The following C2orf76 variants were observed in gnomAD, a reference collection of about 807,000 sequenced individuals.
The protein encoded by C2orf76 is chromosome 2 open reading frame 76, also known as UPF0538 protein C2orf76.
C2orf76 carries 23 observed loss-of-function variants against 16.9 expected under a neutral mutation model. The ratio of observed to expected loss-of-function variants is 1.36; its 90% CI spans 0.98 to 1.93. C2orf76 has a LOEUF of 1.93. Among genes scored for constraint, C2orf76 ranks in the 30% most tolerant of loss-of-function variants. C2orf76 has a pLI of 0.00. For missense variants in C2orf76, 152 were observed against 152.6 expected (o/e 1.00, Z 0.02); for synonymous variants, 48 against 52.3 (o/e 0.92, Z 0.35).
At chr2:119,288,254 TC>T in the C2orf76 span, among the ~76,000 whole-genome samples, 1 of 151,464 alleles carries the variant, frequency 6.6e-6, no homozygotes, top group African/African-American at 2.4e-5. Flanking sequence ...CCTTCCGGGT[TC>T]CCGCCATTCT....
At chr2:119,343,776 T>A (rs1680112530) in intron 1 of C2orf76, among the ~76,000 whole-genome samples, 1 of 152,080 alleles carries the variant, frequency 6.6e-6, no homozygotes, top group East Asian at 1.9e-4. Context: ...TGAGACTCCA[T>A]CTCAAAAAAC....
chr2:119,332,643 G>A (rs1286534932), intron 2 of C2orf76, among the ~76,000 whole-genome samples: 2 of 152,112 alleles, frequency 1.3e-5, no homozygotes. Context: ...CTTCCTAGAA[G>A]AAACCACCTG....
chr2:119,311,555 CA>C, intron 5 of C2orf76, 66 bp downstream of exon 5: 1 of 1,567,354 alleles, frequency 6.4e-7, no homozygotes, highest in East Asian at 2.3e-5. Flanking sequence ...ATCCAAATAC[CA>C]TCAGCCAGGC....
intron 2 of C2orf76, among the ~76,000 whole-genome samples, chr2:119,338,121 T>C (rs1255581756): frequency 1.3e-5 from 2 of 152,244 alleles, no homozygotes; most frequent in Non-Finnish European, 2.9e-5. Flanking sequence ...CAGGACACTT[T>C]CTAATTGACA....
At chr2:119,287,985 A>T in the C2orf76 span, among the ~76,000 whole-genome samples, 7,239 of 152,094 alleles carry the variant, frequency 0.048, 256 homozygotes, top group East Asian at 0.13. Context: ...GACAGAGGGC[A>T]GTGGTGGGTG....
intron 1 of C2orf76, chr2:119,340,465 T>G (rs1028021525): frequency 5.9e-5 from 9 of 153,368 alleles, no homozygotes; most frequent in Admixed American, 5.8e-4. Context: ...TATACGATGG[T>G]GTTACCGTCT....
the C2orf76 span, among the ~76,000 whole-genome samples, chr2:119,296,363 A>T: frequency 6.6e-6 from 1 of 152,192 alleles, no homozygotes; most frequent in African/African-American, 2.4e-5. Flanking sequence ...AACTGCCCAG[A>T]ACCAATAATC....
chr2:119,304,629 C>T (rs1678719136), intron 5 of C2orf76, among the ~76,000 whole-genome samples: 1 of 152,190 alleles, frequency 6.6e-6, no homozygotes, highest in Non-Finnish European at 1.5e-5. Context: ...AACTATAATA[C>T]TTCAGGCTGA....
At chr2:119,315,692 A>T (rs1391734243) in intron 4 of C2orf76, among the ~76,000 whole-genome samples, 2 of 152,220 alleles carry the variant, frequency 1.3e-5, no homozygotes, top group East Asian at 1.9e-4. Context: ...GATTTGGATC[A>T]AAGTTCATAA....
intron 1 of C2orf76, among the ~76,000 whole-genome samples, chr2:119,361,243 G>T (rs981631774): frequency 2.6e-5 from 4 of 152,144 alleles, no homozygotes; most frequent in Admixed American, 1.3e-4. Flanking sequence ...GCCAACCACT[G>T]TCCAAAAATA....
chr2:119,307,297 G>A (rs1441580676), intron 5 of C2orf76, among the ~76,000 whole-genome samples: 3 of 152,004 alleles, frequency 2.0e-5, no homozygotes, highest in African/African-American at 7.2e-5. Context: ...AAAATTAGCT[G>A]GGCGTGGTGG....
chr2:119,285,443 C>A, the C2orf76 span, among the ~76,000 whole-genome samples: 1 of 152,172 alleles, frequency 6.6e-6, no homozygotes, highest in Non-Finnish European at 1.5e-5. Context: ...CCGGAATTGG[C>A]CCCAGTGGGG....
chr2:119,350,394 G>A (rs1680361161), intron 1 of C2orf76, among the ~76,000 whole-genome samples: 1 of 152,138 alleles, frequency 6.6e-6, no homozygotes, highest in African/African-American at 2.4e-5. Flanking sequence ...TAGGGCTTGG[G>A]AAGGTCTTTA....
intron 1 of C2orf76, among the ~76,000 whole-genome samples, chr2:119,346,991 TA>T (rs1680224412): frequency 6.6e-6 from 1 of 152,082 alleles, no homozygotes; most frequent in Admixed American, 6.6e-5. Flanking sequence ...TATCCCAAAA[TA>T]AAAAAATTCC....
intron 2 of C2orf76, among the ~76,000 whole-genome samples, chr2:119,322,406 T>G (rs1046063399): frequency 1.3e-5 from 2 of 151,988 alleles, no homozygotes; most frequent in Non-Finnish European, 2.9e-5. Flanking sequence ...TGGGGTTTTG[T>G]CATGTTGCCC....
intron 2 of C2orf76, among the ~76,000 whole-genome samples, chr2:119,334,363 C>T (rs976361616): frequency 7.6e-5 from 9 of 118,170 alleles, no homozygotes; most frequent in East Asian, 4.6e-4. Context: ...AAGAGTGAAC[C>T]TCAATGTATG....
At chr2:119,340,755 TACACACACACACACACAC>T (rs60777590) in intron 1 of C2orf76, among the ~76,000 whole-genome samples, 217 of 140,358 alleles carry the variant, frequency 1.5e-3, no homozygotes, top group Middle Eastern at 0.011. Flanking sequence ...TGCTTTCTAA[TACACACACACACACACAC>T]ACACACACAC....
In C2orf76 at chr2:119,312,807, C is replaced by A. The variant is rs528823781; in HGVS notation, c.223-1104G>T. 2.0e-5 allele frequency among the ~76,000 whole-genome samples: 3 copies of A among 151,926 alleles called. No individual in the cohort carries two copies. In the South Asian group the frequency reaches 6.2e-4, roughly 32 times the overall value. On this transcript the variant is annotated intron_variant, in intron 4 of 5. Coordinates refer to ENST00000334816, the MANE Select transcript of C2orf76 (RefSeq NM_001322331.2). ...CTTTGGCAGGCCGAGGCAGGCAGAT[C>A]ACAAGGTCAGGAGATCGAGACCATC...
chr2:119,360,477 CAAAAAAA>C (rs770401400), intron 1 of C2orf76, among the ~76,000 whole-genome samples: 12 of 66,926 alleles, frequency 1.8e-4, no homozygotes, highest in South Asian at 6.7e-4. Context: ...AACTCTGTCT[CAAAAAAA>C]AAAAAAAAAA....
Sources: allele counts gnomAD v4.1 joint callset (sites outside exome capture counted in the v4.1 genomes callset), GRCh38; gene constraint gnomAD v4.1.1; transcripts MANE v1.5; gene names NCBI Gene and HGNC (gene_info 2026-07-23, HGNC 2026-07-21).